The following RGS5 variants were observed in gnomAD, a reference collection of about 807,000 sequenced individuals.
RGS5 encodes regulator of G-protein signalling 5.
A neutral mutation model predicts 18.9 loss-of-function variants in RGS5; 20 were observed. The observed-to-expected ratio is 1.06, with a 90% confidence interval of 0.74 to 1.54. The LOEUF (loss-of-function observed/expected upper bound fraction) is 1.54, where lower values mean the gene tolerates loss of function less well. Among genes scored for constraint, RGS5 ranks in the 40% most tolerant of loss-of-function variants. The pLI, the probability that RGS5 is intolerant of heterozygous loss-of-function variation, is 0.00. For missense variants in RGS5, 201 were observed against 211.8 expected (o/e 0.95, Z 0.32); for synonymous variants, 57 against 76.2 (o/e 0.75, Z 1.31).
At chr1:163,181,666 A>C (rs1658852566) in intron 1 of RGS5, among the ~76,000 whole-genome samples, 1 of 152,118 alleles carries the variant, frequency 6.6e-6, no homozygotes, top group Non-Finnish European at 1.5e-5. Context: ...TCCCATATGT[A>C]TGTACTCCCA....
chr1:163,198,482 C>T (rs1369080324), intron 1 of RGS5, among the ~76,000 whole-genome samples: 1 of 151,914 alleles, frequency 6.6e-6, no homozygotes, highest in Non-Finnish European at 1.5e-5. Flanking sequence ...TTTAAGGAGG[C>T]CTCATATACT....
chr1:163,194,597 T>C (rs1352311962), intron 1 of RGS5, among the ~76,000 whole-genome samples: 1 of 152,142 alleles, frequency 6.6e-6, no homozygotes, highest in Non-Finnish European at 1.5e-5. Flanking sequence ...CCCTATCTAG[T>C]ACCTTTCCCA....
intron 2 of RGS5, among the ~76,000 whole-genome samples, chr1:163,235,489 A>C (rs973290753): frequency 1.3e-5 from 2 of 152,254 alleles, no homozygotes; most frequent in Non-Finnish European, 2.9e-5. Context: ...CACCTTCCAC[A>C]GTAGGGACTA....
intron 2 of RGS5, among the ~76,000 whole-genome samples, chr1:163,263,703 C>T (rs1167637405): frequency 1.3e-5 from 2 of 152,026 alleles, no homozygotes; most frequent in Non-Finnish European, 2.9e-5. Flanking sequence ...CAGGGACTCT[C>T]AGATTCTTGT....
chr1:163,220,958 G>T (rs1420708707), upstream of RGS5, among the ~76,000 whole-genome samples: 2 of 152,168 alleles, frequency 1.3e-5, no homozygotes, highest in Non-Finnish European at 2.9e-5. Flanking sequence ...AAGGAACACA[G>T]CCCTGTTGTG....
At chr1:163,206,359 T>C (rs1300715020), upstream of RGS5, among the ~76,000 whole-genome samples, 1 of 151,928 alleles carries the variant, frequency 6.6e-6, no homozygotes, top group Non-Finnish European at 1.5e-5. Context: ...TAAAAGTATA[T>C]AGTTTATGTT....
chr1:163,215,918 A>C (rs1472231416), intron 1 of RGS5, among the ~76,000 whole-genome samples: 1 of 151,798 alleles, frequency 6.6e-6, no homozygotes, highest in East Asian at 1.9e-4. Flanking sequence ...AAATAATAAT[A>C]ATAAAAATAA....
chr1:163,279,734 T>C lies in RGS5; in HGVS notation c.-281+26499A>G, dbSNP rs536505801. On this transcript the variant is annotated intron_variant, in intron 2 of 5. Transcript: ENST00000618415. ...AGATAAATAAAATGAAAAATTGGATTTTTGATAAGATAAAGAAAATTGACA... is the reference window on the plus strand; with the variant it reads ...AGATAAATAAAATGAAAAATTGGATCTTTGATAAGATAAAGAAAATTGACA... Among the ~76,000 whole-genome samples the C allele has an allele frequency of 5.3e-5, 8 of 151,986 alleles. 1 individual carries two copies. The highest frequency in any genetic ancestry group is 1.9e-4 in the African/African-American group (8 of 41,520).
intron 2 of RGS5, among the ~76,000 whole-genome samples, chr1:163,270,494 T>C (rs1648691321): frequency 6.6e-6 from 1 of 151,726 alleles, no homozygotes; most frequent in Non-Finnish European, 1.5e-5. Context: ...CACTCCAGCC[T>C]GGGCAAGAGA....
At chr1:163,253,689 G>A (rs1648182208) in intron 2 of RGS5, among the ~76,000 whole-genome samples, 1 of 151,180 alleles carries the variant, frequency 6.6e-6, no homozygotes, top group African/African-American at 2.4e-5. Flanking sequence ...TAGGGTACAT[G>A]TGCACAATGT....
At chr1:163,250,175 G>A (rs957607262) in intron 2 of RGS5, among the ~76,000 whole-genome samples, 1 of 152,222 alleles carries the variant, frequency 6.6e-6, no homozygotes, top group Non-Finnish European at 1.5e-5. Context: ...GGCTATGTTG[G>A]TACAGAGCTA....
intron 2 of RGS5, among the ~76,000 whole-genome samples, chr1:163,265,519 A>G (rs144766659): frequency 2.0e-5 from 3 of 152,250 alleles, no homozygotes; most frequent in African/African-American, 7.2e-5. Context: ...ATAAATAATA[A>G]TAGTAGTAAT....
In RGS5 at chr1:163,143,564, C is replaced by G. The variant is rs1196391269; in HGVS notation, c.*3778G>C. On this transcript the variant is annotated 3_prime_UTR_variant, in exon 5 of 5. Transcript: ENST00000313961. ...ATGACAAAACTCAGTTTCAACCAAG[C>G]TGAGCTGCTCTTAAATATTTGTAGC... 1 of 152,120 alleles carries G rather than the reference C, an allele frequency of 6.6e-6. No homozygotes were observed. Among genetic ancestry groups the G allele is most frequent in the Non-Finnish European group, 1.5e-5 (1 of 68,010 alleles). The allele number at this position is 152,120 out of a possible 1,614,324, so 9.4% of individuals were successfully genotyped here.
intron 2 of RGS5, among the ~76,000 whole-genome samples, chr1:163,295,486 T>C (rs1331365073): frequency 2.0e-5 from 3 of 152,204 alleles, no homozygotes; most frequent in Non-Finnish European, 4.4e-5. Context: ...TTAAAATAAT[T>C]ATTTGATGCT....
chr1:163,171,976 G>C (rs1658320508), intron 1 of RGS5, among the ~76,000 whole-genome samples: 1 of 152,174 alleles, frequency 6.6e-6, no homozygotes, highest in African/African-American at 2.4e-5. Context: ...TCTCAGAGGA[G>C]GCAAATGTGG....
rs963173348 is a variant in RGS5 at position 163,144,547 on chromosome 1, G to A, written c.*2795C>T. ...TCAATTCACTCCCAACAGTAGTTACGTTTTCACAGGGGAGGAAAACGCCAG... is the reference window on the plus strand; with the variant it reads ...TCAATTCACTCCCAACAGTAGTTACATTTTCACAGGGGAGGAAAACGCCAG... On this transcript the variant is annotated 3_prime_UTR_variant, in exon 5 of 5. Transcript: ENST00000313961. The A allele has an allele frequency of 3.3e-5, 5 of 152,376 alleles. No individual in the cohort carries two copies. The highest frequency in any genetic ancestry group is 7.4e-5 in the Non-Finnish European group (5 of 67,976). 9.4% of individuals were successfully genotyped at this position (152,376 alleles called of 1,614,324 possible). A position where few individuals can be genotyped will look rare whatever the true frequency, so the allele number is the denominator to read the frequency against.
intron 2 of RGS5, among the ~76,000 whole-genome samples, chr1:163,254,383 G>T (rs1251985785): frequency 4.6e-5 from 7 of 152,102 alleles, no homozygotes; most frequent in Non-Finnish European, 8.8e-5. Context: ...GTTTTGATTT[G>T]CATTTCTCTG....
intron 2 of RGS5, among the ~76,000 whole-genome samples, chr1:163,286,292 G>A (rs1196541992): frequency 2.0e-5 from 3 of 152,058 alleles, no homozygotes; most frequent in Non-Finnish European, 4.4e-5. Context: ...TTTTACATAA[G>A]GGACTTGAGC....
intron 1 of RGS5, among the ~76,000 whole-genome samples, chr1:163,307,441 A>C (rs376915173): frequency 6.6e-6 from 1 of 152,170 alleles, no homozygotes; most frequent in East Asian, 1.9e-4. Flanking sequence ...ATATCAAATC[A>C]TGTAGAAAAA....
Sources: allele counts gnomAD v4.1 joint callset (sites outside exome capture counted in the v4.1 genomes callset), GRCh38; gene constraint gnomAD v4.1.1; transcripts MANE v1.5; gene names NCBI Gene and HGNC (gene_info 2026-07-23, HGNC 2026-07-21).